RGS6: variants seen among roughly 807,000 people sequenced by gnomAD.
The protein encoded by RGS6 is regulator of G protein signaling 6.
In RGS6, 30 loss-of-function variants were observed where a neutral mutation model predicts 78.5. That is an observed-to-expected ratio of 0.38 (90% CI 0.29 to 0.52). The LOEUF (loss-of-function observed/expected upper bound fraction) is 0.52. Ranked by LOEUF, RGS6 falls within the 20% of genes least tolerant of loss-of-function variation. The probability of loss-of-function intolerance (pLI) is 0.85; values close to 1 mark genes in which losing one functional copy is unlikely to be tolerated. For synonymous variants in RGS6, 206 were observed against 206.0 expected (o/e 1.00, Z 0.00); for missense variants, 495 against 609.7 (o/e 0.81, Z 1.98).
chr14:71,965,810 A>T (rs150501318), intron 2 of RGS6, among the ~76,000 whole-genome samples: 1 of 152,302 alleles, frequency 6.6e-6, no homozygotes, highest in African/African-American at 2.4e-5. Flanking sequence ...AAGGAGAGAC[A>T]CTAATCCAGC....
At chr14:72,169,744 G>A in intron 2 of RGS6, among the ~76,000 whole-genome samples, 1 of 152,160 alleles carries the variant, frequency 6.6e-6, no homozygotes, top group Admixed American at 6.5e-5. Flanking sequence ...GATGCTAGTG[G>A]AGGTGATATA....
At chr14:72,334,015 C>T (rs1363900552) in intron 2 of RGS6, among the ~76,000 whole-genome samples, 2 of 152,202 alleles carry the variant, frequency 1.3e-5, no homozygotes, top group Admixed American at 6.5e-5. Flanking sequence ...ACCACAAATG[C>T]GGATTGTGCC....
rs191666433 is a variant in RGS6 at position 72,558,080 on chromosome 14, C to A, written c.1423-4337C>A. On this transcript the variant is annotated intron_variant, in intron 17 of 17. Coordinates refer to ENST00000553525, the MANE Select transcript of RGS6 (RefSeq NM_001204424.2). ...AATGAATTTGACAAGTGTATGCACC[C>A]GTGTAACGTATACCCCATCACCCTA... Among the ~76,000 whole-genome samples the A allele has an allele frequency of 1.2e-4, 18 of 152,180 alleles. No homozygotes were observed. In the East Asian group the frequency reaches 3.5e-3, roughly 29 times the overall value.
intron 2 of RGS6, among the ~76,000 whole-genome samples, chr14:72,234,008 G>T (rs772489362): frequency 1.3e-5 from 2 of 152,102 alleles, no homozygotes; most frequent in Non-Finnish European, 2.9e-5. Flanking sequence ...TTAAGGGAAC[G>T]AACGGGCATA....
chr14:72,559,972 T>C (rs1439380537), intron 17 of RGS6, among the ~76,000 whole-genome samples: 1 of 152,090 alleles, frequency 6.6e-6, no homozygotes, highest in Non-Finnish European at 1.5e-5. Context: ...CACAGTCCCC[T>C]CTCCAGCCAA....
Position 72,315,626 on chromosome 14 carries a change from A to C in RGS6, c.85-36469A>C, listed in dbSNP as rs188888964. Among the ~76,000 whole-genome samples, 194 of 152,318 alleles carry C rather than the reference A, an allele frequency of 1.3e-3. 2 individuals are homozygous for C. The highest frequency in any genetic ancestry group is 0.013 in the Admixed American group (192 of 15,308). On this transcript the variant is annotated intron_variant, in intron 2 of 17. Transcript: ENST00000553525. The stretch of plus-strand genomic sequence containing the variant: ...GTTTTAACAGAGTGGAATGTTATTG[A>C]ACCTACCAGTGTTGTTTAAGAGCTA...
the RGS6 span, among the ~76,000 whole-genome samples, chr14:72,623,622 G>A: frequency 6.6e-6 from 1 of 152,212 alleles, no homozygotes; most frequent in Non-Finnish European, 1.5e-5. Flanking sequence ...TAACATGGTT[G>A]AAAGAAAATA....
At chr14:72,236,654 G>T (rs908903934) in intron 2 of RGS6, among the ~76,000 whole-genome samples, 1 of 152,156 alleles carries the variant, frequency 6.6e-6, no homozygotes, top group African/African-American at 2.4e-5. Flanking sequence ...GGGCAGAGGC[G>T]CTCCTCACAT....
At chr14:72,089,299 C>T (rs1597374867) in intron 2 of RGS6, among the ~76,000 whole-genome samples, 1 of 152,310 alleles carries the variant, frequency 6.6e-6, no homozygotes, top group South Asian at 2.1e-4. Flanking sequence ...AAAACCTTCC[C>T]ATTTTTCTGG....
In RGS6 at chr14:72,053,084, CCTTCCTTCCTTCCTTCCTT is replaced by C. The variant is rs1567107681; in HGVS notation, c.84+88211_84+88229del. On this transcript the variant is annotated intron_variant, in intron 2 of 17. Coordinates refer to ENST00000553525, the MANE Select transcript of RGS6 (RefSeq NM_001204424.2). ...CCCTCCCTCCCTCCCTCCCTCCCTT[CCTTCCTTCCTTCCTTCCTT>C]CCTTCCTTCCTTCCTTCCTTCCTTC... Among the ~76,000 whole-genome samples, 35 of 29,030 alleles carry C rather than the reference CCTTCCTTCCTTCCTTCCTT, an allele frequency of 1.2e-3. 2 individuals are homozygous for C. The highest frequency in any genetic ancestry group is 2.0e-3 in the Non-Finnish European group (28 of 13,734). 19.0% of individuals were successfully genotyped at this position (29,030 alleles called of 152,430 possible).
intron 2 of RGS6, among the ~76,000 whole-genome samples, chr14:72,320,423 T>A (rs964285754): frequency 1.3e-5 from 2 of 150,860 alleles, no homozygotes; most frequent in Admixed American, 6.6e-5. Flanking sequence ...CCAAAAAAAT[T>A]AAAAATTAGC....
chr14:72,250,693 T>C (rs2055526658), intron 2 of RGS6, among the ~76,000 whole-genome samples: 3 of 152,224 alleles, frequency 2.0e-5, no homozygotes, highest in Non-Finnish European at 2.9e-5. Flanking sequence ...TAGGTACTTA[T>C]CTTTAAAATT....
chr14:72,259,042 G>C (rs1029967593), intron 2 of RGS6, among the ~76,000 whole-genome samples: 2 of 152,136 alleles, frequency 1.3e-5, no homozygotes, highest in African/African-American at 4.8e-5. Context: ...ACTTAACAGA[G>C]AGAGACCACC....
intron 2 of RGS6, among the ~76,000 whole-genome samples, chr14:72,055,929 G>A (rs557652314): frequency 5.9e-5 from 9 of 152,206 alleles, no homozygotes; most frequent in Non-Finnish European, 1.5e-5. Flanking sequence ...ATAAAAGTTA[G>A]TATGGGCTAG....
At chr14:72,624,375 G>C in the RGS6 span, among the ~76,000 whole-genome samples, 2 of 107,574 alleles carry the variant, frequency 1.9e-5, no homozygotes, top group African/African-American at 7.2e-5. Context: ...GTCTCACTCT[G>C]TTGCCCAAAC....
intron 2 of RGS6, among the ~76,000 whole-genome samples, chr14:72,205,334 G>A (rs949400267): frequency 4.6e-5 from 7 of 152,156 alleles, no homozygotes; most frequent in African/African-American, 1.4e-4. Flanking sequence ...TTCCTGGTGA[G>A]CTGTCCTGTG....
the RGS6 span, among the ~76,000 whole-genome samples, chr14:71,920,910 G>T: frequency 6.6e-6 from 1 of 152,106 alleles, no homozygotes; most frequent in Non-Finnish European, 1.5e-5. Flanking sequence ...AATTAACAGA[G>T]TAAAGAGGCA....
intron 3 of RGS6, among the ~76,000 whole-genome samples, chr14:72,405,739 A>AT: frequency 6.6e-6 from 1 of 152,328 alleles, no homozygotes; most frequent in East Asian, 1.9e-4. Context: ...AAACCTCCAC[A>AT]TTAGCACTAG....
At chr14:72,383,202 A>G (rs1032382596) in intron 3 of RGS6, among the ~76,000 whole-genome samples, 1 of 127,348 alleles carries the variant, frequency 7.9e-6, no homozygotes, top group African/African-American at 3.0e-5. Flanking sequence ...ATATATATAT[A>G]TATATATATA....
Sources: allele counts gnomAD v4.1 joint callset (sites outside exome capture counted in the v4.1 genomes callset), GRCh38; gene constraint gnomAD v4.1.1; transcripts MANE v1.5; gene names NCBI Gene and HGNC (gene_info 2026-07-23, HGNC 2026-07-21).